GPR89B: variants seen among roughly 807,000 people sequenced by gnomAD.
GPR89B encodes the protein G protein-coupled receptor 89B.
Under a neutral mutation model 52.4 loss-of-function variants are expected in GPR89B, and 25 were observed. The observed-to-expected ratio is 0.48, with a 90% confidence interval of 0.35 to 0.67. The LOEUF is 0.67. Ranked by LOEUF, GPR89B falls within the 30% of genes least tolerant of loss-of-function variation. GPR89B has a pLI of 0.01. For missense variants in GPR89B, 146 were observed against 450.2 expected (o/e 0.32, Z 6.11); for synonymous variants, 52 against 151.2 (o/e 0.34, Z 4.81).
chr1:148,018,499 T>G, the GPR89B span, among the ~76,000 whole-genome samples: 1 of 150,630 alleles, frequency 6.6e-6, no homozygotes, highest in East Asian at 1.9e-4. Context: ...AATCATACAA[T>G]GAGGTGGTGG....
the GPR89B span, among the ~76,000 whole-genome samples, chr1:148,004,375 C>T: frequency 6.6e-6 from 1 of 150,878 alleles, no homozygotes; most frequent in Non-Finnish European, 1.5e-5. Context: ...CCGTGTTAGC[C>T]AGGATGGTCT....
chr1:147,950,171 C>A (rs1196522755), intron 5 of GPR89B, among the ~76,000 whole-genome samples: 4 of 149,402 alleles, frequency 2.7e-5, no homozygotes, highest in Admixed American at 2.6e-4. Flanking sequence ...CTCCTCACTT[C>A]TCATATGGGG....
At chr1:147,990,782 G>T (rs1355277083) in intron 12 of GPR89B, among the ~76,000 whole-genome samples, 3 of 150,960 alleles carry the variant, frequency 2.0e-5, no homozygotes, top group Non-Finnish European at 2.9e-5. Context: ...TATTTCTGAG[G>T]GCTCTGTTCT....
At chr1:148,023,768 C>A in the GPR89B span, among the ~76,000 whole-genome samples, 1 of 151,178 alleles carries the variant, frequency 6.6e-6, no homozygotes, top group South Asian at 2.1e-4. Context: ...TGTCACCTTG[C>A]CCACTTTGTA....
chr1:147,979,599 T>C (rs1553254060), intron 10 of GPR89B, among the ~76,000 whole-genome samples: 2 of 152,144 alleles, frequency 1.3e-5, no homozygotes, highest in Non-Finnish European at 2.9e-5. Context: ...TGAAAAGGTG[T>C]TGGATTTTGT....
the GPR89B span, among the ~76,000 whole-genome samples, chr1:148,006,792 C>G: frequency 8.6e-5 from 13 of 151,706 alleles, no homozygotes; most frequent in African/African-American, 2.7e-4. Flanking sequence ...TCTTGGCTCA[C>G]AGCAACCTCT....
At chr1:147,998,280 A>G (rs1324338068), downstream of GPR89B, among the ~76,000 whole-genome samples, 2 of 143,964 alleles carry the variant, frequency 1.4e-5, no homozygotes, top group Non-Finnish European at 3.0e-5. Context: ...CAGCCTGACT[A>G]AAATTAGATT....
chr1:148,012,068 C>T, the GPR89B span: 1 of 151,958 alleles, frequency 6.6e-6, no homozygotes, highest in Non-Finnish European at 1.5e-5. Flanking sequence ...TAATGATAAA[C>T]TTGATTTATT....
intron 1 of GPR89B, among the ~76,000 whole-genome samples, chr1:147,935,670 TTCTACTACTCC>T (rs1553247749): frequency 6.6e-6 from 1 of 152,188 alleles, no homozygotes; most frequent in Non-Finnish European, 1.5e-5. Flanking sequence ...ATATTAGGCT[TTCTACTACTCC>T]TCTAATTTTG....
the GPR89B span, among the ~76,000 whole-genome samples, chr1:148,006,573 C>A: frequency 6.6e-6 from 1 of 151,002 alleles, no homozygotes; most frequent in East Asian, 1.9e-4. Context: ...CCTGTGCTTA[C>A]ATACCTACGA....
chr1:147,947,062 G>C (rs1372146051), intron 5 of GPR89B, among the ~76,000 whole-genome samples: 1 of 151,914 alleles, frequency 6.6e-6, no homozygotes. Context: ...GGGCTGGGCA[G>C]GTTGGCTCAC....
At chr1:148,020,079 CG>C in the GPR89B span, among the ~76,000 whole-genome samples, 2 of 149,966 alleles carry the variant, frequency 1.3e-5, no homozygotes, top group South Asian at 4.3e-4. Flanking sequence ...TACTGATGTT[CG>C]TGTCAAGGTT....
At chr1:147,950,373 G>T (rs1655548700) in intron 5 of GPR89B, among the ~76,000 whole-genome samples, 1 of 151,084 alleles carries the variant, frequency 6.6e-6, no homozygotes, top group South Asian at 2.1e-4. Flanking sequence ...TCCTAGATGG[G>T]ATGGCGGCCG....
At chr1:147,968,840 A>G (rs1159169193) in intron 8 of GPR89B, 35 bp from the exon 9 acceptor site, 134 of 1,613,282 alleles carry the variant, frequency 8.3e-5, no homozygotes, top group Non-Finnish European at 1.1e-4. Flanking sequence ...TGAAATTCCT[A>G]TGTGATTAAA....
the GPR89B span, among the ~76,000 whole-genome samples, chr1:148,016,940 C>T: frequency 1.3e-4 from 19 of 151,766 alleles, 1 homozygote; most frequent in African/African-American, 4.6e-4. Context: ...TCTGCAACGT[C>T]TAATCTGCTG....
intron 7 of GPR89B, 134 bp downstream of exon 7, chr1:147,954,536 G>A: frequency 6.7e-6 from 1 of 148,784 alleles, no homozygotes; most frequent in South Asian, 2.1e-4. Flanking sequence ...ATTTAGTGTT[G>A]GCTGGACACA....
the GPR89B span, among the ~76,000 whole-genome samples, chr1:148,020,908 G>A: frequency 4.0e-5 from 6 of 151,550 alleles, no homozygotes; most frequent in African/African-American, 1.5e-4. Flanking sequence ...GGCTGATCTT[G>A]AACTACTGAC....
chr1:147,994,396 T>A (rs1659264577), downstream of GPR89B: 8 of 1,191,628 alleles, frequency 6.7e-6, no homozygotes, highest in Admixed American at 1.2e-4. Context: ...GGTAGAGTAA[T>A]GAAAGAGGGA....
intron 5 of GPR89B, among the ~76,000 whole-genome samples, chr1:147,949,808 G>A (rs191880229): frequency 3.0e-5 from 3 of 100,948 alleles, no homozygotes; most frequent in East Asian, 3.2e-4. Context: ...CTGACCCCCC[G>A]ACCTCCCTCC....
Sources: gnomAD v4.1 joint callset for allele counts (sites outside exome capture counted in the v4.1 genomes callset) on GRCh38, gnomAD v4.1.1 for gene constraint, MANE v1.5 for transcripts, NCBI Gene and HGNC (gene_info 2026-07-23, HGNC 2026-07-21) for gene names.